Variants in SFMBT2 observed in about 807,000 individuals in gnomAD.
SFMBT2 encodes scm-like with four MBT domains protein 2.
SFMBT2 carries 38 observed loss-of-function variants against 110.1 expected under a neutral mutation model. The ratio of observed to expected loss-of-function variants is 0.35; its 90% CI spans 0.27 to 0.45. SFMBT2 has a LOEUF of 0.45. SFMBT2 is among the 20% of genes least tolerant of loss of function. The pLI is 1.00. For missense variants in SFMBT2, 1,011 were observed against 1,094.9 expected (o/e 0.92, Z 1.08); for synonymous variants, 425 against 425.4 (o/e 1.00, Z 0.01).
intron 8 of SFMBT2, among the ~76,000 whole-genome samples, chr10:7,245,555 T>C (rs1237665271): frequency 6.6e-6 from 1 of 152,218 alleles, no homozygotes; most frequent in Non-Finnish European, 1.5e-5. Flanking sequence ...ATCCAGTCCA[T>C]AACCCACAGG....
intron 4 of SFMBT2, among the ~76,000 whole-genome samples, chr10:7,329,921 A>G (rs1408900723): frequency 1.3e-5 from 2 of 152,240 alleles, no homozygotes; most frequent in African/African-American, 4.8e-5. Flanking sequence ...AGGACAGAGA[A>G]CATGGGTCTC....
chr10:7,284,283 A>C (rs1588416896), intron 5 of SFMBT2, 133 bp from the exon 6 acceptor site: 2 of 1,466,480 alleles, frequency 1.4e-6, no homozygotes, highest in Non-Finnish European at 9.0e-7. Flanking sequence ...CGTTCCCTCC[A>C]CCCCATCCTT....
chr10:7,360,458 C>A (rs1002639744), intron 4 of SFMBT2, among the ~76,000 whole-genome samples: 1 of 151,472 alleles, frequency 6.6e-6, no homozygotes, highest in Non-Finnish European at 1.5e-5. Flanking sequence ...CAGAATGAGA[C>A]CCTGTCTCAA....
chr10:7,342,534 G>A (rs978685902), intron 4 of SFMBT2, among the ~76,000 whole-genome samples: 7 of 147,866 alleles, frequency 4.7e-5, no homozygotes, highest in Non-Finnish European at 1.0e-4. Flanking sequence ...TCAGCCTCCC[G>A]AGCAGCTGGG....
At chr10:7,392,652 A>G (rs1034678966) in intron 1 of SFMBT2, among the ~76,000 whole-genome samples, 5 of 152,124 alleles carry the variant, frequency 3.3e-5, no homozygotes, top group Non-Finnish European at 5.9e-5. Context: ...TTATCTCACA[A>G]AACTATTGCA....
intron 2 of SFMBT2, among the ~76,000 whole-genome samples, chr10:7,377,048 AG>A (rs1358203320): frequency 6.6e-6 from 1 of 151,532 alleles, no homozygotes; most frequent in Non-Finnish European, 1.5e-5. Flanking sequence ...GGGCACCTGT[AG>A]TCCCAGCTAC....
At chr10:7,229,126 A>G (rs1275071197) in intron 9 of SFMBT2, among the ~76,000 whole-genome samples, 1 of 152,200 alleles carries the variant, frequency 6.6e-6, no homozygotes, top group Admixed American at 6.5e-5. Flanking sequence ...GGAAATCTAC[A>G]TGAAGTAAAT....
chr10:7,284,292 T>TTGCCCAGCCCATGCCCCACCCC, intron 5 of SFMBT2, 142 bp from the exon 6 acceptor site: 1 of 1,457,054 alleles, frequency 6.9e-7, no homozygotes, highest in South Asian at 1.5e-5. Flanking sequence ...CACCCCATCC[T>TTGCCCAGCCCATGCCCCACCCC]TGCCCAGCCC....
At chr10:7,284,854 AAT>A (rs1460903198) in intron 5 of SFMBT2, 1 of 152,674 alleles carries the variant, frequency 6.5e-6, no homozygotes. Flanking sequence ...TTTGTAGGCA[AAT>A]ATGTTTTAGA....
At chr10:7,389,732 C>G (rs1486701619) in intron 1 of SFMBT2, among the ~76,000 whole-genome samples, 2 of 152,182 alleles carry the variant, frequency 1.3e-5, no homozygotes, top group Non-Finnish European at 2.9e-5. Flanking sequence ...TTGAATTTCT[C>G]ATCAGTTCAA....
intron 8 of SFMBT2, among the ~76,000 whole-genome samples, chr10:7,245,714 C>T (rs1035107269): frequency 1.3e-5 from 2 of 152,222 alleles, no homozygotes; most frequent in Non-Finnish European, 2.9e-5. Flanking sequence ...AAGATGACAT[C>T]ATCACCATCT....
chr10:7,226,154 T>C (rs1380837211), intron 10 of SFMBT2, among the ~76,000 whole-genome samples: 1 of 152,250 alleles, frequency 6.6e-6, no homozygotes, highest in Non-Finnish European at 1.5e-5. Context: ...GTGTAAATTC[T>C]GCCTAGATTT....
At chr10:7,285,603 C>T (rs1842062030) in intron 5 of SFMBT2, 3 of 407,120 alleles carry the variant, frequency 7.4e-6, no homozygotes, top group South Asian at 5.4e-5. Flanking sequence ...GGAAGACATC[C>T]TAGCATATTG....
chr10:7,238,446 C>G (rs538743950), intron 9 of SFMBT2, among the ~76,000 whole-genome samples: 3 of 152,266 alleles, frequency 2.0e-5, no homozygotes, highest in African/African-American at 7.2e-5. Context: ...GGGCCATGAG[C>G]GTCTATGTTA....
At chr10:7,313,380 C>A (rs899152819) in intron 4 of SFMBT2, among the ~76,000 whole-genome samples, 1 of 152,156 alleles carries the variant, frequency 6.6e-6, no homozygotes, top group Non-Finnish European at 1.5e-5. Context: ...TAAGATGGCA[C>A]GATTGCAGCT....
chr10:7,184,029 T>C (rs888241517), intron 16 of SFMBT2, among the ~76,000 whole-genome samples: 2 of 152,226 alleles, frequency 1.3e-5, no homozygotes, highest in African/African-American at 4.8e-5. Context: ...GGCAAAGTTT[T>C]TCCTCACTGA....
At position 7,367,225 on chromosome 10, in the gene SFMBT2, A is replaced by C. The variant is rs1207802380; in HGVS notation, c.436+424T>G. On this transcript the variant is annotated intron_variant, in intron 4 of 20. Coordinates refer to ENST00000397167, the MANE Select transcript of SFMBT2 (RefSeq NM_001387889.1). This position sits in a 1 kb window ranked among gnomAD's most constrained non-coding sequence, Gnocchi z 6.2. ...GTTACTGTTCAAATGTCGACTTGCT[A>C]AAGCAGAAGAAAAGCAACATGGCCA... 2.0e-5 allele frequency among the ~76,000 whole-genome samples: 3 copies of C among 152,120 alleles called. No individual in the cohort carries two copies. The highest frequency in any genetic ancestry group is 2.9e-5 in the Non-Finnish European group (2 of 68,022).
chr10:7,362,322 A>C (rs1056646486), intron 4 of SFMBT2, among the ~76,000 whole-genome samples: 1 of 152,172 alleles, frequency 6.6e-6, no homozygotes. Flanking sequence ...CATCTCCTGG[A>C]GCTGCCGCCA....
At chr10:7,362,071 A>G (rs2764387) in intron 4 of SFMBT2, among the ~76,000 whole-genome samples, 36,816 of 152,142 alleles carry the variant, frequency 0.24, 6,106 homozygotes, top group African/African-American at 0.47. Flanking sequence ...CAAGCCTTAT[A>G]GATTTACTAA....
Sources: gnomAD v4.1 joint callset for allele counts (sites outside exome capture counted in the v4.1 genomes callset) on GRCh38, gnomAD v4.1.1 for gene constraint, Gnocchi (gnomAD v3.1) non-coding constraint, MANE v1.5 for transcripts, NCBI Gene and HGNC (gene_info 2026-07-23, HGNC 2026-07-21) for gene names.